Variants in CDH24 observed in about 807,000 individuals in gnomAD.
The protein encoded by CDH24 is cadherin 24.
In CDH24, 61 loss-of-function variants were observed where a neutral mutation model predicts 71.2. That is an observed-to-expected ratio of 0.86 (90% CI 0.70 to 1.06). The LOEUF (loss-of-function observed/expected upper bound fraction) is 1.06, where lower values mean the gene tolerates loss of function less well. Ranked by LOEUF, CDH24 falls within the 50% of genes least tolerant of loss-of-function variation. CDH24 has a pLI of 0.00. For missense variants in CDH24, 961 were observed against 1,083.7 expected (o/e 0.89, Z 1.59); for synonymous variants, 440 against 470.2 (o/e 0.94, Z 0.83).
chr14:23,048,580 T>G, intron 11 of CDH24, 101 bp from the exon 12 acceptor site: 1 of 1,197,970 alleles, frequency 8.3e-7, no homozygotes, highest in Admixed American at 2.1e-5. Context: ...AGAAGCCCTG[T>G]GCTTAGGGGC....
intron 6 of CDH24, 95 bp from the exon 7 acceptor site, chr14:23,053,844 T>C: frequency 1.6e-6 from 2 of 1,256,126 alleles, no homozygotes; most frequent in Non-Finnish European, 2.2e-6. Context: ...CTCACATGCA[T>C]GCAGTGCTCA....
In CDH24 at chr14:23,052,574, C is replaced by T; in HGVS notation, c.1262G>A (p.Cys421Tyr). ...GCCTTCCTCGGGCTGGATAGAGAAG[C>T]AACGCTCCGGATCTGAGTGGGGGAG... is the stretch of plus-strand genomic sequence containing the variant. ...SILPHSDPERCFSIQPEEGTI... is the reference protein window; with the variant it reads ...SILPHSDPERYFSIQPEEGTI... Residue 421 changes from cysteine to tyrosine, a missense_variant, in exon 8 of 13, where the codon TGC becomes TAC. Physicochemically the swap from Cys to Tyr is radical, Grantham distance 194. Around this residue, in one of 2 missense-constraint regions of CDH24, gnomAD observed 671 missense variants for 810.9 expected, o/e 0.83. Transcript: ENST00000487137. The T allele has an allele frequency of 6.2e-7, 1 of 1,614,042 alleles. No homozygotes were observed. Among genetic ancestry groups the T allele is most frequent in the Non-Finnish European group, 8.5e-7 (1 of 1,180,012 alleles).
Position 23,054,606 on chromosome 14 carries a change from C to T in CDH24, c.684G>A (p.Gln228=), listed in dbSNP as rs755963692. The change falls in exon 5 of 13, where the codon CAG becomes CAA. Residue 228 remains glutamine (Q), a synonymous_variant. Coordinates refer to ENST00000487137, the MANE Select transcript of CDH24 (RefSeq NM_144985.4). This position sits in a 1 kb window ranked among gnomAD's most constrained non-coding sequence, Gnocchi z 5.2. Reference sequence around the variant, plus strand: ...CCATGTGGCCGCCCATGTCCTTGGCCTGGATCACCACCAAGAACTCCTCCT... The same window carrying T: ...CCATGTGGCCGCCCATGTCCTTGGCTTGGATCACCACCAAGAACTCCTCCT... The part of the protein sequence containing the change: ...ETQEEFLVVI[Q]AKDMGGHMGG... The T allele has an allele frequency of 1.2e-6, 2 of 1,614,112 alleles. No homozygotes were observed. Among genetic ancestry groups the T allele is most frequent in the East Asian group, 4.5e-5 (2 of 44,884 alleles).
Position 23,047,879 on chromosome 14 carries a change from G to A in CDH24, c.*101C>T. On this transcript the variant is annotated 3_prime_UTR_variant, in exon 12 of 13. Transcript: ENST00000487137. The stretch of plus-strand genomic sequence containing the variant: ...ACACAAGGACAGGGAGGAGGCCTGG[G>A]GCCCCTGGGCTGCTGCCGCCCGCCT... The A allele has an allele frequency of 5.5e-6, 5 of 911,966 alleles. No individual in the cohort carries two copies. The highest frequency in any genetic ancestry group is 3.8e-5 in the South Asian group (1 of 26,118). 56.5% of individuals were successfully genotyped at this position (911,966 alleles called of 1,614,324 possible).
In CDH24 at chr14:23,047,790, G is replaced by GAC. The variant is rs570904661; in HGVS notation, c.*188_*189dup. The GAC allele has an allele frequency of 1.0e-4, 40 of 381,464 alleles. No individual in the cohort carries two copies. The highest frequency in any genetic ancestry group is 3.1e-4 in the South Asian group (3 of 9,760). The allele number at this position is 381,464 out of a possible 1,614,324, so 23.6% of individuals were successfully genotyped here. ...ATAGAGACAAAGATTCCTGGAGAGA[G>GAC]ACACACACACCGACTCAGGAGGAGG... On this transcript the variant is annotated 3_prime_UTR_variant, in exon 12 of 13. Transcript: ENST00000487137.
At position 23,054,924 on chromosome 14, in the gene CDH24, C is replaced by T; in HGVS notation, c.497-58G>A. The T allele has an allele frequency of 6.3e-7, 1 of 1,577,712 alleles. No homozygotes were observed. Among genetic ancestry groups the T allele is most frequent in the Non-Finnish European group, 8.6e-7 (1 of 1,165,760 alleles). ...AGCAGGGAAGGATGGGGAAGAACAA[C>T]CGATGGGGGGGGATGCAGATACGAG... is the stretch of plus-strand genomic sequence containing the variant. On this transcript the variant is annotated intron_variant, in intron 3 of 12. Transcript: ENST00000487137. The surrounding 1 kb of genome is among the most constrained non-coding windows in gnomAD (Gnocchi z 5.2).
Position 23,051,211 on chromosome 14 carries a change from A to G in CDH24, c.1363+1262T>C, listed in dbSNP as rs1232862711. The stretch of plus-strand genomic sequence containing the variant: ...CATGTATAGAAACATAAACCTAGAC[A>G]CATAGCATTAAACACATTTGAGAGG... On this transcript the variant is annotated intron_variant, in intron 8 of 12. Coordinates refer to ENST00000487137, the MANE Select transcript of CDH24 (RefSeq NM_144985.4). This position sits in a 1 kb window ranked among gnomAD's most constrained non-coding sequence, Gnocchi z 4.4. Among the ~76,000 whole-genome samples, 1 of 152,190 alleles carries G rather than the reference A, an allele frequency of 6.6e-6. No individual in the cohort carries two copies. Among genetic ancestry groups the G allele is most frequent in the Non-Finnish European group, 1.5e-5 (1 of 68,038 alleles).
chr14:23,056,968 GC>G (rs2047139214), intron 1 of CDH24, among the ~76,000 whole-genome samples: 1 of 93,368 alleles, frequency 1.1e-5, no homozygotes, highest in East Asian at 2.7e-4. Context: ...CAGAGAGAAG[GC>G]GGGATGAGGA....
Position 23,048,095 on chromosome 14 carries a change from C to A in CDH24, c.2231G>T (p.Gly744Val). 7.1e-7 allele frequency: 1 copy of A among 1,415,874 alleles called. No individual in the cohort carries two copies. The highest frequency in any genetic ancestry group is 9.2e-7 in the Non-Finnish European group (1 of 1,090,840). 87.7% of individuals were successfully genotyped at this position (1,415,874 alleles called of 1,614,324 possible). Residue 744 changes from glycine to valine, a missense_variant, in exon 12 of 13, where the codon GGC becomes GTC. By Grantham distance (109) the Gly-to-Val change is moderately radical. Around this residue, in one of 2 missense-constraint regions of CDH24, gnomAD observed 290 missense variants for 272.8 expected, o/e 1.06. Coordinates refer to ENST00000487137, the MANE Select transcript of CDH24 (RefSeq NM_144985.4). ...GGCGCCGCCGGCTTCGCTGCCGGAG[C>A]CCAGGGAGCTGAGGGAGCCGCAAGA... ...GSSCGSLSSLGSGSEAGGAPG... is the reference protein window; with the variant it reads ...GSSCGSLSSLVSGSEAGGAPG...
intron 1 of CDH24, among the ~76,000 whole-genome samples, chr14:23,056,874 T>C (rs1046840607): frequency 6.6e-6 from 1 of 152,024 alleles, no homozygotes; most frequent in Non-Finnish European, 1.5e-5. Context: ...CTGTGGCTTC[T>C]GCCCCTCCTC....
intron 8 of CDH24, among the ~76,000 whole-genome samples, chr14:23,050,427 T>C (rs894235829): frequency 1.2e-4 from 18 of 151,614 alleles, no homozygotes; most frequent in South Asian, 4.2e-4. Flanking sequence ...CCAGTGCCCA[T>C]AGAATGCATT....
rs547673515 is a variant in CDH24, at chr14:23,048,900, G to T, written c.1846+127C>A. 34 of 1,088,638 alleles carry T rather than the reference G, an allele frequency of 3.1e-5. No homozygotes were observed. The East Asian group carries it at 5.7e-4, about 18-fold the overall frequency. 67.4% of individuals were successfully genotyped at this position (1,088,638 alleles called of 1,614,324 possible). A position where few individuals can be genotyped will look rare whatever the true frequency, so the allele number is the denominator to read the frequency against. On this transcript the variant is annotated intron_variant, in intron 11 of 12. Transcript: ENST00000487137. Reference sequence around the variant, plus strand: ...TTTTCTCTTGGATGCATCAGGTGGTGGGAAAATCCAGGTATGAGGGTCGTT... The same window carrying T: ...TTTTCTCTTGGATGCATCAGGTGGTTGGAAAATCCAGGTATGAGGGTCGTT...
At chr14:23,050,520 C>T (rs2139942676) in intron 8 of CDH24, among the ~76,000 whole-genome samples, 1 of 151,916 alleles carries the variant, frequency 6.6e-6, no homozygotes, top group South Asian at 2.1e-4. Context: ...CACACACACA[C>T]ACACACACAC....
rs1009213709 is a variant in CDH24, at chr14:23,054,110, A to C, written c.972+31T>G. ...CTGTGGGTCGGCAGGAGGCAGGTCT[A>C]AGAGAAAGCATTAACAGGCAGGAGG... is the stretch of plus-strand genomic sequence containing the variant. On this transcript the variant is annotated intron_variant, in intron 6 of 12. Coordinates refer to ENST00000487137, the MANE Select transcript of CDH24 (RefSeq NM_144985.4). The surrounding 1 kb of genome is among the most constrained non-coding windows in gnomAD (Gnocchi z 5.2). The C allele has an allele frequency of 1.9e-6, 3 of 1,559,158 alleles. No homozygotes were observed. The African/African-American group carries it at 4.1e-5, about 21-fold the overall frequency.
At chr14:23,052,708 T>C in intron 7 of CDH24, 99 bp from the exon 8 acceptor site, 3 of 1,227,110 alleles carry the variant, frequency 2.4e-6, no homozygotes, top group Non-Finnish European at 3.5e-6. Flanking sequence ...TTGTCAGACC[T>C]CATGACTCCT....
At position 23,047,781 on chromosome 14, in the gene CDH24, C is replaced by T. The variant is rs993293706; in HGVS notation, c.*199G>A. 2.7e-6 allele frequency: 1 copy of T among 375,344 alleles called. No individual in the cohort carries two copies. Among genetic ancestry groups the T allele is most frequent in the Non-Finnish European group, 4.7e-6 (1 of 212,522 alleles). The allele number at this position is 375,344 out of a possible 1,614,324, so 23.3% of individuals were successfully genotyped here. A position where few individuals can be genotyped will look rare whatever the true frequency, so the allele number is the denominator to read the frequency against. ...GTGTCACAGATAGAGACAAAGATTC[C>T]TGGAGAGAGACACACACACCGACTC... is the stretch of plus-strand genomic sequence containing the variant. On this transcript the variant is annotated 3_prime_UTR_variant, in exon 12 of 13. Coordinates refer to ENST00000487137, the MANE Select transcript of CDH24 (RefSeq NM_144985.4).
chr14:23,049,769 G>A, intron 9 of CDH24, 31 bp from the exon 10 acceptor site: 1 of 1,612,554 alleles, frequency 6.2e-7, no homozygotes, highest in Non-Finnish European at 8.5e-7. Flanking sequence ...GCCTTGTATG[G>A]AGTGGGCTGC....
chr14:23,054,316 A>G lies in CDH24; in HGVS notation c.797T>C (p.Phe266Ser). 6.2e-7 allele frequency: 1 copy of G among 1,603,484 alleles called. No homozygotes were observed. The highest frequency in any genetic ancestry group is 8.5e-7 in the Non-Finnish European group (1 of 1,173,492). The change falls in exon 6 of 13, where the codon TTC becomes TCC. Residue 266 changes from phenylalanine (F) to serine (S), a missense_variant. Transcript: ENST00000487137. The surrounding 1 kb of genome is among the most constrained non-coding windows in gnomAD (Gnocchi z 5.2). ...AGGTCCAGCTGTCTCCACCACGGAG[A>G]ACTGGTATAGGCCTTGGGATGACAG... The part of the protein sequence containing the change: ...PPKFPQSLYQ[F>S]SVVETAGPGT...
In CDH24 at chr14:23,055,191, C is replaced by T. The variant is rs369927931; in HGVS notation, c.364G>A (p.Val122Met). Reference sequence around the variant, plus strand: ...AGGGGCCGGTTGGAGGCTCGGTCCACGGCTTGGGCCAGTAGCACATATTGC... The same window carrying T: ...AGGGGCCGGTTGGAGGCTCGGTCCATGGCTTGGGCCAGTAGCACATATTGC... Reference protein sequence around the residue: ...KAQYVLLAQAVDRASNRPLEP... With the variant: ...KAQYVLLAQAMDRASNRPLEP... Residue 122 changes from valine to methionine, a missense_variant, in exon 3 of 13, where the codon GTG becomes ATG. By Grantham distance (21) the Val-to-Met change is conservative. This residue lies in a region of CDH24 where 671 missense variants were observed against 810.9 expected (regional missense o/e 0.83). Coordinates refer to ENST00000487137, the MANE Select transcript of CDH24 (RefSeq NM_144985.4). This position sits in a 1 kb window ranked among gnomAD's most constrained non-coding sequence, Gnocchi z 4.1. 7.2e-5 allele frequency: 117 copies of T among 1,614,064 alleles called. No individual in the cohort carries two copies. The highest frequency in any genetic ancestry group is 9.2e-5 in the Non-Finnish European group (109 of 1,180,032).
Sources: gnomAD v4.1 joint callset for allele counts (sites outside exome capture counted in the v4.1 genomes callset) on GRCh38, gnomAD v4.1.1 for gene constraint, gnomAD v4.1.1 regional missense constraint, Gnocchi (gnomAD v3.1) non-coding constraint, MANE v1.5 for transcripts, NCBI Gene and HGNC (gene_info 2026-07-23, HGNC 2026-07-21) for gene names.